The following CCDC171 variants were observed in gnomAD, a reference collection of about 807,000 sequenced individuals.
CCDC171 encodes coiled-coil domain containing 171.
In CCDC171, 177 loss-of-function variants were observed where a neutral mutation model predicts 168.2. The ratio of observed to expected loss-of-function variants is 1.05; its 90% confidence interval spans 0.93 to 1.19. CCDC171 has a LOEUF of 1.19. CCDC171 is among the 50% of genes most tolerant of loss of function. The pLI is 0.00. For synonymous variants in CCDC171, 687 were observed against 540.8 expected (o/e 1.27, Z -3.75); for missense variants, 1,991 against 1,539.0 (o/e 1.29, Z -4.91).
chr9:15,666,211 C>G lies in CCDC171; in HGVS notation c.964C>G (p.Gln322Glu), dbSNP rs760587640. The G allele has an allele frequency of 6.2e-6, 10 of 1,613,578 alleles. No individual in the cohort carries two copies. In the African/African-American group the frequency reaches 8.0e-5, roughly 13 times the overall value. The change falls in exon 9 of 26, where the codon CAA becomes GAA. Residue 322 changes from glutamine to glutamate, a missense_variant. Coordinates refer to ENST00000380701, the MANE Select transcript of CCDC171 (RefSeq NM_173550.4). ...EGALQVEKASQAEAVADLEII... is the reference protein window; with the variant it reads ...EGALQVEKASEAEAVADLEII... ...AGCTTTGCAAGTAGAGAAGGCCAGT[C>G]AAGCAGAAGCTGTTGCTGATTTGGA...
At chr9:16,093,214 C>T in the CCDC171 span, among the ~76,000 whole-genome samples, 16 of 152,270 alleles carry the variant, frequency 1.1e-4, no homozygotes, top group East Asian at 3.9e-4. Context: ...AAAGCAAATA[C>T]GGAAAACTCA....
intron 7 of CCDC171, among the ~76,000 whole-genome samples, chr9:15,628,481 C>G (rs534010301): frequency 6.6e-6 from 1 of 152,144 alleles, no homozygotes; most frequent in Non-Finnish European, 1.5e-5. Context: ...AGGGGAGGGG[C>G]GGCTGCCATT....
At chr9:15,993,290 A>G (rs1256703674) in intron 3 of CCDC171, among the ~76,000 whole-genome samples, 1 of 152,128 alleles carries the variant, frequency 6.6e-6, no homozygotes, top group Non-Finnish European at 1.5e-5. Flanking sequence ...AAATAATACC[A>G]CACATCTACA....
chr9:15,954,936 A>G (rs1829634404), intron 25 of CCDC171, among the ~76,000 whole-genome samples: 2 of 152,008 alleles, frequency 1.3e-5, no homozygotes, highest in Non-Finnish European at 1.5e-5. Context: ...CTTCAGGGAT[A>G]GTTTTCTATT....
At chr9:15,862,654 T>C (rs770828107) in intron 23 of CCDC171, among the ~76,000 whole-genome samples, 7 of 151,716 alleles carry the variant, frequency 4.6e-5, no homozygotes, top group Non-Finnish European at 8.8e-5. Context: ...ACCTACCATC[T>C]CTCTCAGACT....
At chr9:15,901,271 A>G (rs969722476) in intron 24 of CCDC171, among the ~76,000 whole-genome samples, 1 of 152,200 alleles carries the variant, frequency 6.6e-6, no homozygotes, top group Admixed American at 6.5e-5. Context: ...AATAGTGAAT[A>G]CATGTCACTA....
At chr9:15,662,778 C>T (rs559625199) in intron 8 of CCDC171, among the ~76,000 whole-genome samples, 18 of 151,860 alleles carry the variant, frequency 1.2e-4, no homozygotes, top group African/African-American at 4.4e-4. Flanking sequence ...GAGTTCGGGA[C>T]CAGCCTGGCC....
intron 20 of CCDC171, among the ~76,000 whole-genome samples, chr9:15,780,550 G>GA (rs1316208503): frequency 6.6e-6 from 1 of 151,956 alleles, no homozygotes. Flanking sequence ...TAAAAACGAG[G>GA]AAAGTTAAAA....
chr9:16,071,992 A>T, the CCDC171 span, among the ~76,000 whole-genome samples: 1 of 152,142 alleles, frequency 6.6e-6, no homozygotes, highest in Non-Finnish European at 1.5e-5. Flanking sequence ...GGCTTTCATG[A>T]GGCATGAGAA....
downstream of CCDC171, among the ~76,000 whole-genome samples, chr9:16,065,196 A>ACCCTATTGT (rs1440120186): frequency 1.3e-5 from 2 of 152,026 alleles, no homozygotes; most frequent in African/African-American, 4.8e-5. Flanking sequence ...TTTTAGTCTG[A>ACCCTATTGT]CCCTATTGTG....
intron 1 of CCDC171, among the ~76,000 whole-genome samples, chr9:16,059,780 C>T (rs1455894751): frequency 1.3e-5 from 2 of 151,220 alleles, no homozygotes; most frequent in Non-Finnish European, 2.9e-5. Flanking sequence ...TCCCAAAGTG[C>T]TGGGATTACA....
intron 6 of CCDC171, among the ~76,000 whole-genome samples, chr9:15,606,693 T>A (rs1167858665): frequency 6.6e-6 from 1 of 152,216 alleles, no homozygotes; most frequent in Non-Finnish European, 1.5e-5. Flanking sequence ...TATGAGTATA[T>A]ATAAAGAATT....
At chr9:15,602,562 A>T (rs574708235) in intron 6 of CCDC171, among the ~76,000 whole-genome samples, 2 of 137,262 alleles carry the variant, frequency 1.5e-5, no homozygotes. Flanking sequence ...TCTCTGGAAT[A>T]TTAACATGAG....
At chr9:15,661,136 C>T (rs865847272) in intron 8 of CCDC171, among the ~76,000 whole-genome samples, 70 of 152,190 alleles carry the variant, frequency 4.6e-4, no homozygotes, top group Admixed American at 2.6e-3. Context: ...AAAAATTAGC[C>T]GGGCGTCGTG....
intron 25 of CCDC171, among the ~76,000 whole-genome samples, chr9:15,921,297 C>G (rs1031730134): frequency 1.3e-5 from 2 of 151,618 alleles, no homozygotes; most frequent in Non-Finnish European, 3.0e-5. Context: ...CAAGTGCCAG[C>G]GTCCAAATAA....
intron 7 of CCDC171, among the ~76,000 whole-genome samples, chr9:15,630,019 T>C (rs186432938): frequency 7.9e-5 from 12 of 152,268 alleles, no homozygotes; most frequent in African/African-American, 2.6e-4. Flanking sequence ...CAAGAGCTCC[T>C]GAAGGAAGCA....
intron 9 of CCDC171, among the ~76,000 whole-genome samples, chr9:15,666,939 G>C (rs753710301): frequency 6.6e-6 from 1 of 152,136 alleles, no homozygotes; most frequent in Non-Finnish European, 1.5e-5. Context: ...TTCATACCTA[G>C]CATTGCAGTT....
chr9:15,950,074 G>A (rs1250896742), intron 25 of CCDC171, among the ~76,000 whole-genome samples: 2 of 151,982 alleles, frequency 1.3e-5, no homozygotes, highest in Non-Finnish European at 2.9e-5. Flanking sequence ...AAGTTTAGAC[G>A]AAAAAGAATA....
chr9:15,798,679 C>T lies in CCDC171; in HGVS notation c.3267+13985C>T, dbSNP rs1023783005. Among the ~76,000 whole-genome samples, 16 of 152,160 alleles carry T rather than the reference C, an allele frequency of 1.1e-4. No individual in the cohort carries two copies. In the East Asian group the frequency reaches 1.5e-3, roughly 15 times the overall value. ...AGTTTTATTGAAATGCTACTATGCC[C>T]GTTTATTAAAATATTGTCTGTGGCT... On this transcript the variant is annotated intron_variant, in intron 21 of 25. Transcript: ENST00000380701.
Sources: gnomAD v4.1 joint callset for allele counts (sites outside exome capture counted in the v4.1 genomes callset) on GRCh38, gnomAD v4.1.1 for gene constraint, MANE v1.5 for transcripts, NCBI Gene and HGNC (gene_info 2026-07-23, HGNC 2026-07-21) for gene names.